Variants in CCDC102B observed in about 807,000 individuals in gnomAD.
CCDC102B encodes the protein coiled-coil domain containing 102B.
Under a neutral mutation model 57.4 loss-of-function variants are expected in CCDC102B, and 75 were observed. That is an observed-to-expected ratio of 1.31 (90% CI 1.08 to 1.58). The LOEUF is 1.58. CCDC102B is among the 40% of genes most tolerant of loss of function. CCDC102B has a pLI of 0.00. For missense variants in CCDC102B, 636 were observed against 582.6 expected (o/e 1.09, Z -0.94); for synonymous variants, 206 against 201.9 (o/e 1.02, Z -0.17).
At chr18:69,007,665 T>A (rs575205189) in intron 6 of CCDC102B, among the ~76,000 whole-genome samples, 2 of 152,224 alleles carry the variant, frequency 1.3e-5, no homozygotes, top group Non-Finnish European at 2.9e-5. Context: ...AGTTCCCAAG[T>A]GATGCCGTTG....
At chr18:68,833,450 G>C (rs770432294) in intron 1 of CCDC102B, among the ~76,000 whole-genome samples, 4 of 147,942 alleles carry the variant, frequency 2.7e-5, no homozygotes, top group Non-Finnish European at 5.9e-5. Flanking sequence ...ACACAAAAAA[G>C]TAAATGGTAC....
chr18:68,882,585 A>G (rs1487576246), intron 5 of CCDC102B, among the ~76,000 whole-genome samples: 1 of 152,250 alleles, frequency 6.6e-6, no homozygotes, highest in East Asian at 1.9e-4. Flanking sequence ...TAGCTCCTAA[A>G]TAAGCCAAGA....
intron 7 of CCDC102B, among the ~76,000 whole-genome samples, chr18:69,024,886 T>C (rs8090743): frequency 0.033 from 4,960 of 152,136 alleles, 284 homozygotes; most frequent in African/African-American, 0.11. Context: ...AAACATTATA[T>C]AGTTCTTATA....
rs186401983 is a variant in CCDC102B, at chr18:68,826,052, G to A, written c.-15-10697G>A. On this transcript the variant is annotated intron_variant, in intron 1 of 7. Coordinates refer to ENST00000360242, the MANE Select transcript of CCDC102B (RefSeq NM_024781.3). Reference sequence around the variant, plus strand: ...TGTTTTTATTTTCCAAATATCAAGCGACTAAAATGCATTTTTCTGACAATT... The same window carrying A: ...TGTTTTTATTTTCCAAATATCAAGCAACTAAAATGCATTTTTCTGACAATT... Among the ~76,000 whole-genome samples the A allele has an allele frequency of 9.4e-4, 143 of 152,242 alleles. 2 individuals are homozygous for A. The highest frequency in any genetic ancestry group is 8.8e-3 in the Admixed American group (135 of 15,292).
At chr18:69,008,674 T>A (rs2051418193) in intron 6 of CCDC102B, among the ~76,000 whole-genome samples, 1 of 152,116 alleles carries the variant, frequency 6.6e-6, no homozygotes, top group Non-Finnish European at 1.5e-5. Context: ...AGGACCAGCA[T>A]TTTCTCTGCC....
intron 6 of CCDC102B, among the ~76,000 whole-genome samples, chr18:68,972,264 T>A (rs527773723): frequency 1.3e-5 from 2 of 152,228 alleles, no homozygotes; most frequent in African/African-American, 4.8e-5. Flanking sequence ...GTCTGGTGGG[T>A]GTTGTTAGCA....
At chr18:68,900,246 T>C (rs2040397351) in intron 6 of CCDC102B, 1 of 152,138 alleles carries the variant, frequency 6.6e-6, no homozygotes, top group Admixed American at 6.6e-5. Context: ...GTCTGCATTA[T>C]AAATGATGGC....
chr18:68,883,015 A>G (rs2039748076), intron 5 of CCDC102B, among the ~76,000 whole-genome samples: 2 of 152,204 alleles, frequency 1.3e-5, no homozygotes, highest in Non-Finnish European at 2.9e-5. Flanking sequence ...GGAAAAAACA[A>G]CTAATGGGTA....
At chr18:68,786,726 G>T (rs200692134) in intron 2 of CCDC102B, among the ~76,000 whole-genome samples, 8,997 of 143,678 alleles carry the variant, frequency 0.063, 430 homozygotes, top group African/African-American at 0.15. Flanking sequence ...GGAGATTTTG[G>T]GCTGAGACAA....
chr18:68,716,825 T>C lies in CCDC102B; in HGVS notation c.-67+231T>C, dbSNP rs1230078435. 1.6e-4 allele frequency among the ~76,000 whole-genome samples: 24 copies of C among 151,980 alleles called. 1 individual carries two copies. The highest frequency in any genetic ancestry group is 1.6e-3 in the Admixed American group (24 of 15,242). On this transcript the variant is annotated intron_variant, in intron 2 of 3. Coordinates refer to the CCDC102B transcript ENST00000578970. Reference sequence around the variant, plus strand: ...CTGGCGCGGTGGCTTACACCTGTAATCCCAGCACTTTGGGAGGCCGAGGCA... The same window carrying C: ...CTGGCGCGGTGGCTTACACCTGTAACCCCAGCACTTTGGGAGGCCGAGGCA...
intron 7 of CCDC102B, among the ~76,000 whole-genome samples, chr18:69,023,028 T>A (rs1053685514): frequency 1.3e-5 from 2 of 151,766 alleles, no homozygotes; most frequent in Admixed American, 1.3e-4. Flanking sequence ...TTTAAAATAA[T>A]GTCTTTCTGA....
At chr18:68,927,692 A>T (rs2041521024) in intron 6 of CCDC102B, among the ~76,000 whole-genome samples, 1 of 151,954 alleles carries the variant, frequency 6.6e-6, no homozygotes, top group African/African-American at 2.4e-5. Context: ...ACTTCTGGGG[A>T]TATAATACTA....
intron 2 of CCDC102B, among the ~76,000 whole-genome samples, chr18:68,786,884 G>A (rs2035232391): frequency 6.6e-6 from 1 of 152,290 alleles, no homozygotes; most frequent in Admixed American, 6.5e-5. Context: ...AGTGGTGAGA[G>A]AGAGCATCCC....
Position 69,054,285 on chromosome 18 carries a change from T to G in CCDC102B, c.*148T>G. 7.6e-7 allele frequency: 1 copy of G among 1,312,274 alleles called. No individual in the cohort carries two copies. The highest frequency in any genetic ancestry group is 2.3e-5 in the South Asian group (1 of 43,062). The allele number at this position is 1,312,274 out of a possible 1,614,324, so 81.3% of individuals were successfully genotyped here. A position where few individuals can be genotyped will look rare whatever the true frequency, so the allele number is the denominator to read the frequency against. On this transcript the variant is annotated 3_prime_UTR_variant, in exon 8 of 8. Transcript: ENST00000360242. ...TACACAAATTAATGGGCTTCTTCAC[T>G]TCTTCTAATTTTTGCCTAACAGATA...
chr18:68,833,349 T>G (rs1411907160), intron 1 of CCDC102B, among the ~76,000 whole-genome samples: 1 of 150,810 alleles, frequency 6.6e-6, no homozygotes, highest in African/African-American at 2.4e-5. Context: ...ATACAGAACA[T>G]TTTTGTAAAT....
intron 1 of CCDC102B, among the ~76,000 whole-genome samples, chr18:68,810,596 G>C (rs1332040421): frequency 1.3e-5 from 2 of 149,732 alleles, no homozygotes; most frequent in Non-Finnish European, 3.0e-5. Flanking sequence ...TGTAAACTTA[G>C]TGCTTTTTTT....
intron 5 of CCDC102B, among the ~76,000 whole-genome samples, chr18:68,879,405 C>G (rs1354088629): frequency 6.6e-6 from 1 of 152,114 alleles, no homozygotes; most frequent in East Asian, 1.9e-4. Flanking sequence ...CTCAGGCAGC[C>G]TGCTTTTATT....
intron 2 of CCDC102B, among the ~76,000 whole-genome samples, chr18:68,777,062 C>T (rs778709423): frequency 3.3e-5 from 5 of 152,130 alleles, no homozygotes; most frequent in East Asian, 1.9e-4. Context: ...ACATCAGTTC[C>T]GTGGGGAAAT....
intron 6 of CCDC102B, among the ~76,000 whole-genome samples, chr18:68,909,203 A>T (rs1232146678): frequency 6.6e-6 from 1 of 152,156 alleles, no homozygotes; most frequent in Non-Finnish European, 1.5e-5. Context: ...GCAAAGAAAG[A>T]AGAGTAAAGG....
Sources: gnomAD v4.1 joint callset for allele counts (sites outside exome capture counted in the v4.1 genomes callset) on GRCh38, gnomAD v4.1.1 for gene constraint, MANE v1.5 for transcripts, NCBI Gene and HGNC (gene_info 2026-07-23, HGNC 2026-07-21) for gene names.